The following UGGT2 variants were observed in gnomAD, a reference collection of about 807,000 sequenced individuals.
UGGT2 encodes UDP-glucose glycoprotein glucosyltransferase 2, also known as UDP-glucose:glycoprotein glucosyltransferase 2.
In UGGT2, 180 loss-of-function variants were observed where a neutral mutation model predicts 192.1. The ratio of observed to expected loss-of-function variants is 0.94; its 90% confidence interval spans 0.83 to 1.06. The LOEUF (loss-of-function observed/expected upper bound fraction) is 1.06, where lower values mean the gene tolerates loss of function less well. Among genes scored for constraint, UGGT2 ranks in the 50% least tolerant of loss-of-function variants. The pLI, the probability that UGGT2 is intolerant of heterozygous loss-of-function variation, is 0.00. For synonymous variants in UGGT2, 580 were observed against 591.0 expected (o/e 0.98, Z 0.27); for missense variants, 1,849 against 1,795.7 (o/e 1.03, Z -0.54).
rs1389979959 is a variant in UGGT2 at position 95,947,167 on chromosome 13, C to A, written c.1547G>T (p.Gly516Val). The change falls in exon 15 of 39, where the codon GGT becomes GTT. Residue 516 changes from glycine (G) to valine (V), a missense_variant. Transcript: ENST00000376747. Reference protein sequence around the residue: ...FYSHEVPLRIGFVFILNTDDE... With the variant: ...FYSHEVPLRIVFVFILNTDDE... ...ATCTGTATTAAGAATGAACACAAAA[C>A]CAATTCTGGAAAAAGAAGATGAACA... 1.9e-6 allele frequency: 3 copies of A among 1,594,216 alleles called. No individual in the cohort carries two copies. The highest frequency in any genetic ancestry group is 8.5e-7 in the Non-Finnish European group (1 of 1,174,324).
At position 95,927,222 on chromosome 13, in the gene UGGT2, ATAT is replaced by A. The variant is rs1429338576; in HGVS notation, c.2089_2091del (p.Ile697del). The A allele has an allele frequency of 6.8e-6, 11 of 1,611,528 alleles. No individual in the cohort carries two copies. The highest frequency in any genetic ancestry group is 1.3e-5 in the African/African-American group (1 of 74,890). ...TATAGGATTATTTTACCTGATGTAGATATTAAATTGAGGTACTGCTGGTTAGTA... is the reference window on the plus strand; with the variant it reads ...TATAGGATTATTTTACCTGATGTAGATAAATTGAGGTACTGCTGGTTAGTA... On this transcript the variant is annotated inframe_deletion, in exon 18 of 39. Transcript: ENST00000376747.
chr13:95,963,290 G>GA (rs201928637), intron 12 of UGGT2, among the ~76,000 whole-genome samples: 4 of 149,364 alleles, frequency 2.7e-5, no homozygotes, highest in East Asian at 2.0e-4. Context: ...ATCAATAGAA[G>GA]AAAAAAAAAC....
At chr13:95,937,184 T>C (rs1332381453) in intron 16 of UGGT2, 96 bp from the exon 17 acceptor site, 62 of 1,347,714 alleles carry the variant, frequency 4.6e-5, no homozygotes, top group Non-Finnish European at 5.9e-5. Context: ...TTATATGCCA[T>C]AGGAAAAAAC....
chr13:95,913,846 T>A (rs928413856), intron 20 of UGGT2, among the ~76,000 whole-genome samples: 2 of 152,132 alleles, frequency 1.3e-5, no homozygotes, highest in East Asian at 1.9e-4. Context: ...CAAATGTCCA[T>A]CAATGATAGA....
chr13:95,860,230 A>C (rs1890029432), intron 32 of UGGT2, among the ~76,000 whole-genome samples: 1 of 151,464 alleles, frequency 6.6e-6, no homozygotes, highest in African/African-American at 2.4e-5. Flanking sequence ...TGCAATATGC[A>C]TTTCTCCCCT....
At chr13:95,804,838 C>A (rs1407128851) in intron 38 of UGGT2, among the ~76,000 whole-genome samples, 1 of 152,024 alleles carries the variant, frequency 6.6e-6, no homozygotes, top group Non-Finnish European at 1.5e-5. Context: ...TTATAAAACT[C>A]CTGAGGAACA....
chr13:95,828,938 A>G (rs1181802570), intron 38 of UGGT2, among the ~76,000 whole-genome samples: 3 of 152,168 alleles, frequency 2.0e-5, no homozygotes, highest in Non-Finnish European at 4.4e-5. Flanking sequence ...CTGGCAAACC[A>G]AACCCAGAAG....
chr13:95,997,490 A>C (rs914940400), intron 6 of UGGT2, among the ~76,000 whole-genome samples: 9 of 152,152 alleles, frequency 5.9e-5, no homozygotes, highest in African/African-American at 2.2e-4. Context: ...TAAAAATACA[A>C]AAATTAGCCA....
chr13:95,882,097 T>C (rs2047511762), intron 27 of UGGT2, among the ~76,000 whole-genome samples: 1 of 151,770 alleles, frequency 6.6e-6, no homozygotes, highest in Admixed American at 6.6e-5. Context: ...TTAGTAGAGA[T>C]GGAGGTTTCA....
chr13:95,802,222 G>A (rs73556717), intron 38 of UGGT2, among the ~76,000 whole-genome samples: 1,743 of 152,166 alleles, frequency 0.011, 34 homozygotes, highest in African/African-American at 0.04. Flanking sequence ...ATATATAGTC[G>A]TCATCTAAGA....
intron 5 of UGGT2, among the ~76,000 whole-genome samples, chr13:96,012,753 T>TGTGTGTGTGTGC (rs1479226257): frequency 3.9e-5 from 6 of 151,934 alleles, no homozygotes; most frequent in Admixed American, 1.3e-4. Flanking sequence ...TGTGTGTGTG[T>TGTGTGTGTGTGC]GTGTGTGTGT....
chr13:96,030,099 G>A (rs977088319), intron 2 of UGGT2, among the ~76,000 whole-genome samples: 9 of 152,132 alleles, frequency 5.9e-5, no homozygotes, highest in Admixed American at 5.9e-4. Flanking sequence ...CTAAGTGATC[G>A]AGGTTCCTCC....
intron 17 of UGGT2, among the ~76,000 whole-genome samples, chr13:95,931,530 G>A (rs1014029353): frequency 1.6e-4 from 25 of 151,852 alleles, no homozygotes; most frequent in East Asian, 3.9e-4. Flanking sequence ...AAGACCCCAC[G>A]GTGCCGGGGC....
In UGGT2 at chr13:95,867,386, T is replaced by C; in HGVS notation, c.3511A>G (p.Ile1171Val). 6.2e-7 allele frequency: 1 copy of C among 1,609,786 alleles called. No individual in the cohort carries two copies. Among genetic ancestry groups the C allele is most frequent in the Non-Finnish European group, 8.5e-7 (1 of 1,178,394 alleles). Reference protein sequence around the residue: ...GTDSQADLEDIIVVLNSFKSK... With the variant: ...GTDSQADLEDVIVVLNSFKSK... ...TTGAAGCTGTTTAATACAACAATGA[T>C]ATCTTCTAGGTCTGCTTGAGAGTCA... is the stretch of plus-strand genomic sequence containing the variant. The change falls in exon 30 of 39, where the codon ATC becomes GTC. Residue 1171 changes from isoleucine (I) to valine (V), a missense_variant. Ile to Val is a conservative substitution (Grantham distance 29). Coordinates refer to ENST00000376747, the MANE Select transcript of UGGT2 (RefSeq NM_020121.4).
intron 38 of UGGT2, among the ~76,000 whole-genome samples, chr13:95,830,032 G>C (rs540693242): frequency 2.4e-4 from 37 of 152,172 alleles, no homozygotes; most frequent in Admixed American, 5.2e-4. Flanking sequence ...AATGGGGAAA[G>C]GATTCCTTAT....
intron 26 of UGGT2, 54 bp from the exon 27 acceptor site, chr13:95,884,734 T>C: frequency 6.7e-7 from 1 of 1,497,756 alleles, no homozygotes; most frequent in Non-Finnish European, 8.9e-7. Flanking sequence ...ATTTTTCTTT[T>C]AAAATATTTT....
intron 10 of UGGT2, among the ~76,000 whole-genome samples, chr13:95,979,263 T>G (rs2051037420): frequency 6.6e-6 from 1 of 152,176 alleles, no homozygotes; most frequent in Non-Finnish European, 1.5e-5. Flanking sequence ...TGCTGTACTT[T>G]GGAGTTAAAG....
chr13:95,898,998 T>A (rs2140274390), intron 22 of UGGT2, among the ~76,000 whole-genome samples: 1 of 152,326 alleles, frequency 6.6e-6, no homozygotes, highest in East Asian at 1.9e-4. Flanking sequence ...GCGATAGCAC[T>A]GAGAGGTGTG....
Position 95,837,261 on chromosome 13 carries a change from G to C in UGGT2, c.4285-59C>G. The C allele has an allele frequency of 5.2e-6, 6 of 1,152,870 alleles. No homozygotes were observed. In the South Asian group the frequency reaches 7.4e-5, roughly 14 times the overall value. 71.4% of individuals were successfully genotyped at this position (1,152,870 alleles called of 1,614,324 possible). A position where few individuals can be genotyped will look rare whatever the true frequency, so the allele number is the denominator to read the frequency against. On this transcript the variant is annotated intron_variant, in intron 36 of 38. Coordinates refer to ENST00000376747, the MANE Select transcript of UGGT2 (RefSeq NM_020121.4). The stretch of plus-strand genomic sequence containing the variant: ...GAAATTTAGAGTCAGAAGGAAAGAA[G>C]CTGAATGAAGTAAGACATCAGTTAG...
Sources: allele counts gnomAD v4.1 joint callset (sites outside exome capture counted in the v4.1 genomes callset), GRCh38; gene constraint gnomAD v4.1.1; transcripts MANE v1.5; gene names NCBI Gene and HGNC (gene_info 2026-07-23, HGNC 2026-07-21).